Variants in AKAP9 observed in about 807,000 individuals in gnomAD.
AKAP9 encodes the protein A-kinase anchor protein 9.
A neutral mutation model predicts 488.5 loss-of-function variants in AKAP9; 311 were observed. The ratio of observed to expected loss-of-function variants is 0.64; its 90% CI spans 0.58 to 0.70. The LOEUF (loss-of-function observed/expected upper bound fraction) is 0.70, where lower values mean the gene tolerates loss of function less well. Among genes scored for constraint, AKAP9 ranks in the 30% least tolerant of loss-of-function variants. AKAP9 has a pLI of 0.00. For synonymous variants in AKAP9, 1,462 were observed against 1,483.5 expected, an observed-to-expected ratio of 0.99 and a Z score of 0.33; for missense variants, 4,215 against 4,374.5, an observed-to-expected ratio of 0.96 and a Z score of 1.03.
At chr7:92,015,404 G>A (rs1307785311) in intron 10 of AKAP9, among the ~76,000 whole-genome samples, 1 of 144,474 alleles carries the variant, frequency 6.9e-6, no homozygotes, top group African/African-American at 2.6e-5. Context: ...TTGCTCTGTC[G>A]CCCAGGCTGG....
At chr7:91,976,198 C>T (rs1196438242) in intron 2 of AKAP9, among the ~76,000 whole-genome samples, 2 of 152,096 alleles carry the variant, frequency 1.3e-5, no homozygotes, top group African/African-American at 4.8e-5. Flanking sequence ...GCTGGGACTA[C>T]GGGCATTAGC....
intron 10 of AKAP9, among the ~76,000 whole-genome samples, chr7:92,015,558 T>C (rs1387753045): frequency 6.6e-6 from 1 of 151,984 alleles, no homozygotes; most frequent in Non-Finnish European, 1.5e-5. Context: ...GAGATGGGGT[T>C]TTGCCATGTT....
chr7:92,072,839 GC>G (rs1352464932), intron 28 of AKAP9, among the ~76,000 whole-genome samples: 1 of 152,140 alleles, frequency 6.6e-6, no homozygotes, highest in Non-Finnish European at 1.5e-5. Flanking sequence ...GTATTTAAAT[GC>G]CCTTTTACCG....
intron 1 of AKAP9, among the ~76,000 whole-genome samples, chr7:91,963,482 TCACA>T (rs56800758): frequency 0.046 from 6,378 of 139,276 alleles, 319 homozygotes; most frequent in East Asian, 0.17. Context: ...AACATATTTG[TCACA>T]CACACACACA....
intron 2 of AKAP9, among the ~76,000 whole-genome samples, chr7:91,976,095 G>C (rs1473554935): frequency 6.6e-6 from 1 of 151,792 alleles, no homozygotes; most frequent in Non-Finnish European, 1.5e-5. Flanking sequence ...ACTAATTTTT[G>C]TATTTTTAGT....
Position 92,096,689 on chromosome 7 carries a change from G to A in AKAP9, c.9730G>A (p.Asp3244Asn). 6.2e-7 allele frequency: 1 copy of A among 1,613,942 alleles called. No individual in the cohort carries two copies. Among genetic ancestry groups the A allele is most frequent in the South Asian group, 1.1e-5 (1 of 90,978 alleles). Residue 3244 changes from aspartate to asparagine, a missense_variant and splice_region_variant, in exon 41 of 50, where the codon GAT (aspartate) becomes AAT (asparagine). This residue lies in a region of AKAP9 where 1,476 missense variants were observed against 1,477.4 expected (regional missense o/e 1.00). Transcript: ENST00000356239. ...CTTAAATTTGATTTTCTCGTACCAG[G>A]ATCTGAAGTTTTCACTTGAGAGTCA... ...SEERDKEELE[D>N]LKFSLESQKQ...
intron 3 of AKAP9, among the ~76,000 whole-genome samples, chr7:91,984,917 A>G (rs1796873648): frequency 6.6e-6 from 1 of 152,134 alleles, no homozygotes; most frequent in African/African-American, 2.4e-5. Context: ...TTCACTCATA[A>G]TTTGGCTCTC....
chr7:92,009,863 A>C (rs1297004443), intron 8 of AKAP9, among the ~76,000 whole-genome samples: 1 of 152,132 alleles, frequency 6.6e-6, no homozygotes, highest in African/African-American at 2.4e-5. Flanking sequence ...AAAAATCCAT[A>C]TGATAAATTT....
At chr7:91,968,378 T>C (rs1794670783) in intron 1 of AKAP9, among the ~76,000 whole-genome samples, 1 of 152,196 alleles carries the variant, frequency 6.6e-6, no homozygotes, top group Admixed American at 6.5e-5. Context: ...TTTTTGAATT[T>C]GTTAGCATAT....
Position 92,079,384 on chromosome 7 carries a change from A to G in AKAP9, c.7251A>G (p.Lys2417=). The change falls in exon 31 of 50, where the codon AAA becomes AAG. Residue 2417 remains lysine, a synonymous_variant. Coordinates refer to ENST00000356239, the MANE Select transcript of AKAP9 (RefSeq NM_005751.5). ...TGACCTTCATGAAAAATGTACTTAAAGAAACCAATTTTAAAATGAATCAGC... is the reference window on the plus strand; with the variant it reads ...TGACCTTCATGAAAAATGTACTTAAGGAAACCAATTTTAAAATGAATCAGC... ...EEMTFMKNVL[K]ETNFKMNQLT... is the part of the protein sequence containing the mutation. The G allele has an allele frequency of 6.2e-7, 1 of 1,614,048 alleles. No homozygotes were observed. The highest frequency in any genetic ancestry group is 8.5e-7 in the Non-Finnish European group (1 of 1,179,980).
rs911832447 is a variant in AKAP9, at chr7:92,079,529, G to C, written c.7396G>C (p.Glu2466Gln). The C allele has an allele frequency of 6.2e-7, 1 of 1,613,844 alleles. No individual in the cohort carries two copies. Among genetic ancestry groups the C allele is most frequent in the Non-Finnish European group, 8.5e-7 (1 of 1,179,996 alleles). ...TCTGAGCAAAGACAAACCTGAACTAGAAGTAGTCCTTACAGAGGATGCTCT... is the reference window on the plus strand; with the variant it reads ...TCTGAGCAAAGACAAACCTGAACTACAAGTAGTCCTTACAGAGGATGCTCT... ...DHLSKDKPEL[E>Q]VVLTEDALKS... is the part of the protein sequence containing the mutation. The change falls in exon 31 of 50, where the codon GAA becomes CAA. Residue 2466 changes from glutamate (E) to glutamine (Q), a missense_variant. Glu to Gln is a conservative substitution (Grantham distance 29, BLOSUM62 2). Around this residue, in one of 5 missense-constraint regions of AKAP9, gnomAD observed 1,476 missense variants for 1,477.4 expected, o/e 1.00. Coordinates refer to ENST00000356239, the MANE Select transcript of AKAP9 (RefSeq NM_005751.5).
intron 23 of AKAP9, among the ~76,000 whole-genome samples, chr7:92,061,778 A>G (rs1809893513): frequency 6.6e-6 from 1 of 151,876 alleles, no homozygotes; most frequent in Non-Finnish European, 1.5e-5. Context: ...TTAAATTGTT[A>G]AAGGGCACAA....
In AKAP9 at chr7:92,038,685, C is replaced by G; in HGVS notation, c.4605C>G (p.Pro1535=). Residue 1535 remains proline (P), a synonymous_variant, in exon 17 of 50, where the codon CCC becomes CCG. Transcript: ENST00000356239. ...AAATTTTATTATCAAATAGTGATCC[C>G]CATGATATACCAGAATCAAAGGACT... The part of the protein sequence containing the change: ...GKEILLSNSD[P]HDIPESKDCV... 1 of 1,607,428 alleles carries G rather than the reference C, an allele frequency of 6.2e-7. No individual in the cohort carries two copies. The highest frequency in any genetic ancestry group is 1.1e-5 in the South Asian group (1 of 89,754).
intron 42 of AKAP9, 31 bp downstream of exon 42, chr7:92,097,825 G>A (rs1816875653): frequency 1.2e-6 from 2 of 1,608,138 alleles, no homozygotes; most frequent in Non-Finnish European, 1.7e-6. Flanking sequence ...CTTTGGGAAA[G>A]TAGTATTCTT....
rs371475691 is a variant in AKAP9 at position 91,992,913 on chromosome 7, A to G, written c.434A>G (p.Tyr145Cys). The change falls in exon 5 of 50, where the codon TAT becomes TGT. Residue 145 changes from tyrosine (Y) to cysteine (C), a missense_variant. Physicochemically the swap from Tyr to Cys is radical, Grantham distance 194. Transcript: ENST00000356239. ...GAAGAATTTGGTGTTGATGATTCTT[A>G]TTCTGAACAAGGAGCACAAGACAGT... ...REEEFGVDDS[Y>C]SEQGAQDSPT... The G allele has an allele frequency of 6.2e-7, 1 of 1,613,918 alleles. No individual in the cohort carries two copies. Among genetic ancestry groups the G allele is most frequent in the Non-Finnish European group, 8.5e-7 (1 of 1,179,952 alleles).
intron 40 of AKAP9, 67 bp from the exon 41 acceptor site, chr7:92,096,622 C>G (rs1816626028): frequency 6.3e-7 from 1 of 1,588,002 alleles, no homozygotes. Context: ...CAGGCGTGAG[C>G]CACCACGCCC....
rs376021695 is a variant in AKAP9 at position 92,001,896 on chromosome 7, G to A, written c.1979G>A (p.Gly660Asp). The A allele has an allele frequency of 1.2e-6, 2 of 1,612,206 alleles. No homozygotes were observed. Among genetic ancestry groups the A allele is most frequent in the South Asian group, 2.2e-5 (2 of 90,982 alleles). Reference sequence around the variant, plus strand: ...ATTGAAAAACTTAAAGATAATTTAGGCATTCACTATAAACAGCAGATAGAT... The same window carrying A: ...ATTGAAAAACTTAAAGATAATTTAGACATTCACTATAAACAGCAGATAGAT... ...INIEKLKDNLGIHYKQQIDGL... is the reference protein window; with the variant it reads ...INIEKLKDNLDIHYKQQIDGL... Residue 660 changes from glycine (G) to aspartate (D), a missense_variant, in exon 8 of 50, where the codon GGC (glycine) becomes GAC (aspartate). Transcript: ENST00000356239.
intron 43 of AKAP9, 33 bp downstream of exon 43, chr7:92,098,247 T>C (rs1584550151): frequency 7.6e-7 from 1 of 1,317,462 alleles, no homozygotes; most frequent in Non-Finnish European, 1.1e-6. Flanking sequence ...TCTGAAGCAT[T>C]GAGAGCAAAG....
chr7:92,016,939 T>G, intron 11 of AKAP9, 78 bp from the exon 12 acceptor site: 2 of 1,113,302 alleles, frequency 1.8e-6, no homozygotes, highest in East Asian at 5.2e-5. Context: ...AAGTTATAAA[T>G]AGGTGAATAA....
Sources: gnomAD v4.1 joint callset for allele counts (sites outside exome capture counted in the v4.1 genomes callset) on GRCh38, gnomAD v4.1.1 for gene constraint, gnomAD v4.1.1 regional missense constraint, MANE v1.5 for transcripts, NCBI Gene and HGNC (gene_info 2026-07-23, HGNC 2026-07-21) for gene names.